The following ANXA1 variants were observed in gnomAD, a reference collection of about 807,000 sequenced individuals.
ANXA1 encodes the protein annexin A1.
Under a neutral mutation model 47.9 loss-of-function variants are expected in ANXA1, and 39 were observed. The ratio of observed to expected loss-of-function variants is 0.81; its 90% CI spans 0.63 to 1.06. The LOEUF is 1.06. Ranked by LOEUF, ANXA1 falls within the 50% of genes least tolerant of loss-of-function variation. The pLI is 0.00. For synonymous variants in ANXA1, 146 were observed against 142.5 expected (o/e 1.02, Z -0.17); for missense variants, 446 against 422.7 (o/e 1.06, Z -0.48).
intron 1 of ANXA1, among the ~76,000 whole-genome samples, chr9:73,155,372 A>C (rs1824031284): frequency 6.6e-6 from 1 of 152,176 alleles, no homozygotes; most frequent in Admixed American, 6.5e-5. Flanking sequence ...ACTACAAACA[A>C]AAAGATAGAA....
intron 7 of ANXA1, 22 bp from the exon 8 acceptor site, chr9:73,163,454 A>T (rs2795118): frequency 6.2e-7 from 1 of 1,611,190 alleles, no homozygotes; most frequent in South Asian, 1.1e-5. Context: ...AAGAGCTTAC[A>T]ATAGAATGGG....
At chr9:73,168,920 G>C (rs1466989801) in intron 11 of ANXA1, 112 bp from the exon 12 acceptor site, 26 of 578,388 alleles carry the variant, frequency 4.5e-5, no homozygotes, top group Non-Finnish European at 6.5e-5. Context: ...TGTATAGCTA[G>C]TTTCTCTATA....
In ANXA1 at chr9:73,158,589, G is replaced by T. The variant is rs758853777; in HGVS notation, c.54G>T (p.Glu18Asp). The T allele has an allele frequency of 6.2e-7, 1 of 1,613,554 alleles. No homozygotes were observed. The highest frequency in any genetic ancestry group is 8.5e-7 in the Non-Finnish European group (1 of 1,179,704). The change falls in exon 2 of 13, where the codon GAG becomes GAT. Residue 18 changes from glutamate (E) to aspartate (D), a missense_variant. Coordinates refer to ENST00000257497, the MANE Select transcript of ANXA1 (RefSeq NM_000700.3). ...AGGCCTGGTTTATTGAAAATGAAGA[G>T]CAGGAATATGTTGTAAGTAGAGTGA... is the stretch of plus-strand genomic sequence containing the variant. The part of the protein sequence containing the change: ...LKQAWFIENE[E>D]QEYVQTVKSS...
At chr9:73,155,697 C>T (rs1824035694) in intron 1 of ANXA1, among the ~76,000 whole-genome samples, 1 of 152,086 alleles carries the variant, frequency 6.6e-6, no homozygotes, top group South Asian at 2.1e-4. Context: ...CCGTTTTTCT[C>T]TAATTGATTT....
rs1007746637 is a variant in ANXA1, at chr9:73,157,281, C to A, written c.-14-1241C>A. On this transcript the variant is annotated intron_variant, in intron 1 of 12. Coordinates refer to ENST00000257497, the MANE Select transcript of ANXA1 (RefSeq NM_000700.3). ...AACTAAATTATTCAGGGAGAAATAT[C>A]ACCTGGATATCTTTTTACAATTAAA... Among the ~76,000 whole-genome samples the A allele has an allele frequency of 2.0e-5, 3 of 152,122 alleles. No homozygotes were observed. In the East Asian group the frequency reaches 5.8e-4, roughly 29 times the overall value.
rs1270604748 is a variant in ANXA1 at position 73,158,768 on chromosome 9, A to G, written c.140A>G (p.Asp47Gly). Reference protein sequence around the residue: ...SPYPTFNPSSDVAALHKAIMV... With the variant: ...SPYPTFNPSSGVAALHKAIMV... ...TATCCTACCTTCAATCCATCCTCGG[A>G]TGTCGCTGCCTTGCATAAGGCCATA... The change falls in exon 3 of 13, where the codon GAT becomes GGT. Residue 47 changes from aspartate (D) to glycine (G), a missense_variant. Asp to Gly is a moderately conservative substitution (Grantham distance 94). Coordinates refer to ENST00000257497, the MANE Select transcript of ANXA1 (RefSeq NM_000700.3). 1.2e-6 allele frequency: 2 copies of G among 1,613,918 alleles called. No homozygotes were observed. The highest frequency in any genetic ancestry group is 1.7e-5 in the Admixed American group (1 of 59,980).
chr9:73,170,040 T>A lies in ANXA1; in HGVS notation c.985-11T>A. 1 of 1,596,776 alleles carries A rather than the reference T, an allele frequency of 6.3e-7. No individual in the cohort carries two copies. Among genetic ancestry groups the A allele is most frequent in the East Asian group, 2.2e-5 (1 of 44,550 alleles). On this transcript the variant is annotated splice_polypyrimidine_tract_variant and intron_variant, in intron 12 of 12. Transcript: ENST00000257497. ...GACTAACATTAAGTATACCTTTTTT[T>A]GAATCAACAGGATGAAACCAAAGGA...
chr9:73,159,521 C>A (rs1824103537), intron 4 of ANXA1, 98 bp downstream of exon 4: 1 of 961,312 alleles, frequency 1.0e-6, no homozygotes, highest in Non-Finnish European at 1.6e-6. Context: ...AGGTTCTAAC[C>A]ACTGTTTTCT....
chr9:73,167,360 A>G (rs1411960112), intron 10 of ANXA1, 137 bp from the exon 11 acceptor site: 3 of 701,010 alleles, frequency 4.3e-6, no homozygotes, highest in East Asian at 2.6e-5. Flanking sequence ...ACTGCCCTAT[A>G]TTGGGAGATG....
intron 10 of ANXA1, among the ~76,000 whole-genome samples, chr9:73,166,886 T>C (rs1009564290): frequency 6.6e-6 from 1 of 152,116 alleles, no homozygotes; most frequent in Admixed American, 6.6e-5. Flanking sequence ...AATGTGCTAG[T>C]ATTATTTGGG....
In ANXA1 at chr9:73,170,345, A is replaced by G. The variant is rs1252608487; in HGVS notation, c.*238A>G. ...ATACAAGTTGTTCTAGTAACAATAC[A>G]TGAGAAAGATGTCTATGTAGCTGAA... On this transcript the variant is annotated 3_prime_UTR_variant, in exon 13 of 13. Transcript: ENST00000257497. 1.8e-5 allele frequency: 6 copies of G among 335,710 alleles called. No individual in the cohort carries two copies. Among genetic ancestry groups the G allele is most frequent in the African/African-American group, 1.1e-4 (5 of 47,148 alleles). 20.8% of individuals were successfully genotyped at this position (335,710 alleles called of 1,614,324 possible).
intron 4 of ANXA1, among the ~76,000 whole-genome samples, 189 bp from the exon 5 acceptor site, chr9:73,160,074 C>T (rs983069991): frequency 1.3e-5 from 2 of 152,094 alleles, no homozygotes; most frequent in Non-Finnish European, 2.9e-5. Flanking sequence ...ATTTTAATCC[C>T]TCTAGATCTG....
rs758401436 is a variant in ANXA1 at position 73,166,208 on chromosome 9, G to A, written c.802+16G>A. 28 of 1,565,276 alleles carry A rather than the reference G, an allele frequency of 1.8e-5. No homozygotes were observed. Among genetic ancestry groups the A allele is most frequent in the Non-Finnish European group, 2.2e-5 (25 of 1,145,754 alleles). ...ACAGCTATCGGTATGTAGTCCAGCA[G>A]TTGAAAGAGTTTTCTAACTAGAAAT... is the stretch of plus-strand genomic sequence containing the variant. On this transcript the variant is annotated intron_variant, in intron 10 of 12. Transcript: ENST00000257497.
Position 73,160,805 on chromosome 9 carries a change from C to T in ANXA1, c.387C>T (p.Gly129=), listed in dbSNP as rs911556574. ...DADELRAAMK[G]LGTDEDTLIE... ...CCTTTTCTTCTCTTCAAATTTAGGGCCTTGGAACTGATGAAGATACTCTAA... is the reference window on the plus strand; with the variant it reads ...CCTTTTCTTCTCTTCAAATTTAGGGTCTTGGAACTGATGAAGATACTCTAA... The change falls in exon 6 of 13, where the codon GGC becomes GGT. Residue 129 remains glycine (G), a splice_region_variant and synonymous_variant. Coordinates refer to ENST00000257497, the MANE Select transcript of ANXA1 (RefSeq NM_000700.3). The T allele has an allele frequency of 6.2e-7, 1 of 1,608,308 alleles. No individual in the cohort carries two copies. The highest frequency in any genetic ancestry group is 1.3e-5 in the African/African-American group (1 of 74,772).
In ANXA1 at chr9:73,165,221, T is replaced by A; in HGVS notation, c.706+12T>A. 1 of 1,607,196 alleles carries A rather than the reference T, an allele frequency of 6.2e-7. No individual in the cohort carries two copies. The highest frequency in any genetic ancestry group is 8.5e-7 in the Non-Finnish European group (1 of 1,175,266). On this transcript the variant is annotated intron_variant, in intron 9 of 12. Coordinates refer to ENST00000257497, the MANE Select transcript of ANXA1 (RefSeq NM_000700.3). ...ACAACTTCGCAGAGGTAACAATAAA[T>A]TTCTTTTTCTGGAATCTGTTTATGG...
At chr9:73,168,126 C>T (rs941607049) in intron 11 of ANXA1, 1 of 152,038 alleles carries the variant, frequency 6.6e-6, no homozygotes, top group Non-Finnish European at 1.5e-5. Flanking sequence ...AAGTTATCTT[C>T]CTTTTTTCTT....
Position 73,154,204 on chromosome 9 carries a change from T to C in ANXA1, c.-15+2280T>C. ...AATTGCTTTCTCTCACCAGGGAAGG[T>C]GTGGGAAGGACTTGTGAAATACATA... On this transcript the variant is annotated intron_variant, in intron 1 of 12. Coordinates refer to ENST00000257497, the MANE Select transcript of ANXA1 (RefSeq NM_000700.3). 3.9e-6 allele frequency: 3 copies of C among 778,620 alleles called. No individual in the cohort carries two copies. The East Asian group carries it at 1.9e-4, about 49-fold the overall frequency. 48.2% of individuals were successfully genotyped at this position (778,620 alleles called of 1,614,324 possible).
At chr9:73,163,028 A>G (rs1056034707) in intron 7 of ANXA1, among the ~76,000 whole-genome samples, 167 bp downstream of exon 7, 1 of 152,188 alleles carries the variant, frequency 6.6e-6, no homozygotes, top group African/African-American at 2.4e-5. Flanking sequence ...TTGGGTATCT[A>G]TGTCTGGTGA....
chr9:73,163,597 G>T, intron 8 of ANXA1, 65 bp downstream of exon 8: 1 of 1,533,580 alleles, frequency 6.5e-7, no homozygotes, highest in South Asian at 1.1e-5. Context: ...GCTACCACAT[G>T]ATCCCCTGTG....
Sources: gnomAD v4.1 joint callset for allele counts (sites outside exome capture counted in the v4.1 genomes callset) on GRCh38, gnomAD v4.1.1 for gene constraint, MANE v1.5 for transcripts, NCBI Gene and HGNC (gene_info 2026-07-23, HGNC 2026-07-21) for gene names.